The following METTL21A variants were observed in gnomAD, a reference collection of about 807,000 sequenced individuals.
The protein encoded by METTL21A is methyltransferase 21A, HSPA lysine.
In METTL21A, 22 loss-of-function variants were observed where a neutral mutation model predicts 20.9. The observed-to-expected ratio is 1.05, with a 90% CI of 0.75 to 1.50. The LOEUF (loss-of-function observed/expected upper bound fraction) is 1.50. Among genes scored for constraint, METTL21A ranks in the 40% most tolerant of loss-of-function variants. METTL21A has a pLI of 0.00. For synonymous variants in METTL21A, 93 were observed against 102.0 expected (o/e 0.91, Z 0.53); for missense variants, 271 against 266.8 (o/e 1.02, Z -0.11).
At chr2:207,603,273 A>G (rs6785) in intron 3 of METTL21A, 187,209 of 221,212 alleles carry the variant, frequency 0.85, 79,600 homozygotes, top group East Asian at 1. Context: ...TGTTCAGAAT[A>G]GTAGCAGTTG....
chr2:207,582,038 A>G (rs1350221363), exon 4 of METTL21A: 2 of 699,556 alleles, frequency 2.9e-6, no homozygotes, highest in Non-Finnish European at 5.2e-6. Flanking sequence ...GAGCACATAC[A>G]TAATTGGCGA....
intron 3 of METTL21A, among the ~76,000 whole-genome samples, chr2:207,616,502 T>C (rs2089761727): frequency 6.6e-6 from 1 of 152,174 alleles, no homozygotes; most frequent in Non-Finnish European, 1.5e-5. Context: ...TCTCCCCTCA[T>C]ACAACTTACA....
At position 207,588,711 on chromosome 2, in the gene METTL21A, G is replaced by A. The variant is rs1392315377; in HGVS notation, c.260-6551C>T. 3.1e-5 allele frequency among the ~76,000 whole-genome samples: 4 copies of A among 128,512 alleles called. No individual in the cohort carries two copies. In the East Asian group the frequency reaches 1.0e-3, roughly 32 times the overall value. 84.3% of individuals were successfully genotyped at this position (128,512 alleles called of 152,430 possible). ...CATATCTTACTGGATTTATACCCAA[G>A]TATGAACTGTTTTCTGGTTTTTTTT... is the stretch of plus-strand genomic sequence containing the variant. On this transcript the variant is annotated intron_variant, in intron 3 of 3. Transcript: ENST00000425132.
intron 3 of METTL21A, among the ~76,000 whole-genome samples, chr2:207,588,738 T>TG (rs1466475292): frequency 4.6e-5 from 6 of 130,740 alleles, no homozygotes; most frequent in Admixed American, 7.4e-5. Context: ...GTTTTTTTTT[T>TG]TTTTGTGTGT....
chr2:207,593,210 T>C (rs1275280182), intron 3 of METTL21A, among the ~76,000 whole-genome samples: 2 of 152,160 alleles, frequency 1.3e-5, no homozygotes, highest in Non-Finnish European at 2.9e-5. Context: ...ATTAGAGCCT[T>C]TAACATGTTA....
intron 3 of METTL21A, among the ~76,000 whole-genome samples, 158 bp from the exon 4 acceptor site, chr2:207,613,601 TCA>T (rs1190043854): frequency 6.6e-6 from 1 of 152,218 alleles, no homozygotes; most frequent in Non-Finnish European, 1.5e-5. Context: ...GAAAAATGAC[TCA>T]CAGCTCCTTT....
intron 3 of METTL21A, chr2:207,599,058 C>A: frequency 5.3e-6 from 1 of 188,364 alleles, no homozygotes; most frequent in Non-Finnish European, 1.1e-5. Flanking sequence ...TCGTTTGTAA[C>A]AAACCATTGT....
At chr2:207,601,642 A>T (rs1806585) in intron 3 of METTL21A, 15,570 of 211,234 alleles carry the variant, frequency 0.074, 1,200 homozygotes, top group East Asian at 0.23. Flanking sequence ...TGTCTAGAAT[A>T]GTACAAGACT....
At chr2:207,608,423 T>C (rs2088458140), downstream of METTL21A, among the ~76,000 whole-genome samples, 1 of 152,218 alleles carries the variant, frequency 6.6e-6, no homozygotes, top group East Asian at 1.9e-4. Flanking sequence ...TGATGATTTT[T>C]TTTTTTCTTG....
At chr2:207,589,088 T>C (rs1056493003) in intron 3 of METTL21A, among the ~76,000 whole-genome samples, 1 of 152,142 alleles carries the variant, frequency 6.6e-6, no homozygotes, top group African/African-American at 2.4e-5. Flanking sequence ...GGGGGTGTAT[T>C]AGTTTTCTAT....
chr2:207,601,815 A>G, intron 3 of METTL21A: 1 of 219,392 alleles, frequency 4.6e-6, no homozygotes, highest in Non-Finnish European at 9.1e-6. Context: ...GAGTTGTGAG[A>G]TAAATAGTTC....
At position 207,617,731 on chromosome 2, in the gene METTL21A, C is replaced by CAG. The variant is rs150985941; in HGVS notation, c.259+4073_259+4074dup. On this transcript the variant is annotated intron_variant, in intron 3 of 3. Coordinates refer to ENST00000406927, the Ensembl canonical transcript of METTL21A. The stretch of plus-strand genomic sequence containing the variant: ...TAGGTTTAAAAAGACGAAACAGAGG[C>CAG]AGACAGGCCAGGTGGAAGAGTGATG... 6.0e-3 allele frequency among the ~76,000 whole-genome samples: 914 copies of CAG among 152,262 alleles called. 11 individuals carry two copies. The highest frequency in any genetic ancestry group is 0.021 in the African/African-American group (880 of 41,546).
intron 3 of METTL21A, 76 bp downstream of exon 3, chr2:207,621,730 G>C: frequency 1.6e-6 from 2 of 1,280,672 alleles, no homozygotes; most frequent in Admixed American, 3.4e-5. Flanking sequence ...ACCCACGAAG[G>C]GTTTTGCGCT....
chr2:207,608,634 TAAAG>T (rs2088487980), downstream of METTL21A, among the ~76,000 whole-genome samples: 1 of 152,144 alleles, frequency 6.6e-6, no homozygotes, highest in Non-Finnish European at 1.5e-5. Context: ...TAATGAATCT[TAAAG>T]AAACTGAACT....
downstream of METTL21A, among the ~76,000 whole-genome samples, chr2:207,606,772 G>T (rs1424712962): frequency 6.6e-6 from 1 of 152,022 alleles, no homozygotes; most frequent in African/African-American, 2.4e-5. Context: ...CAGTACTGGG[G>T]TACATTATAT....
At chr2:207,621,008 G>A (rs956109486) in intron 3 of METTL21A, among the ~76,000 whole-genome samples, 39 of 152,118 alleles carry the variant, frequency 2.6e-4, no homozygotes, top group Admixed American at 1.9e-3. Context: ...CAGGTTCCCA[G>A]GCCCTGGTCC....
chr2:207,596,888 T>C, intron 3 of METTL21A: 3 of 1,585,774 alleles, frequency 1.9e-6, no homozygotes, highest in Non-Finnish European at 2.6e-6. Flanking sequence ...ATTTGCATAA[T>C]TTTTCCCGTC....
chr2:207,612,946 CTT>C, exon 4 of METTL21A: 6 of 1,310,222 alleles, frequency 4.6e-6, no homozygotes, highest in Non-Finnish European at 5.2e-6. Flanking sequence ...TTGGCTTAGA[CTT>C]TTTGTACAGT....
chr2:207,582,194 A>C, intron 3 of METTL21A: 1 of 702,884 alleles, frequency 1.4e-6, no homozygotes, highest in Non-Finnish European at 2.6e-6. Context: ...ATTTGTGGTC[A>C]TATGTTAAAA....
Sources: gnomAD v4.1 joint callset for allele counts (sites outside exome capture counted in the v4.1 genomes callset) on GRCh38, gnomAD v4.1.1 for gene constraint, MANE v1.5 for transcripts, NCBI Gene and HGNC (gene_info 2026-07-23, HGNC 2026-07-21) for gene names.